MARCHF4: variants seen among roughly 807,000 people sequenced by gnomAD.
MARCHF4 encodes the protein E3 ubiquitin-protein ligase MARCHF4.
In MARCHF4, 14 loss-of-function variants were observed where a neutral mutation model predicts 43.9. That is an observed-to-expected ratio of 0.32 (90% CI 0.21 to 0.50). The LOEUF is 0.50. Among genes scored for constraint, MARCHF4 ranks in the 20% least tolerant of loss-of-function variants. MARCHF4 has a pLI of 0.98. For missense variants in MARCHF4, 468 were observed against 536.7 expected, an observed-to-expected ratio of 0.87 and a Z score of 1.27; for synonymous variants, 226 against 213.3, an observed-to-expected ratio of 1.06 and a Z score of -0.52.
intron 3 of MARCHF4, among the ~76,000 whole-genome samples, chr2:216,263,841 G>T (rs554360239): frequency 6.6e-6 from 1 of 152,256 alleles, no homozygotes; most frequent in South Asian, 2.1e-4. Flanking sequence ...TGAAGTGCAG[G>T]GGGGCACGGT....
rs753360899 is a variant in MARCHF4, at chr2:216,366,238, A to G, written c.516+3507T>C. Among the ~76,000 whole-genome samples the G allele has an allele frequency of 5.5e-4, 84 of 152,216 alleles. 1 individual carries two copies. The highest frequency in any genetic ancestry group is 3.2e-3 in the Middle Eastern group (1 of 316). ...GGAATCCAAGACACAGGCAGGCTAT[A>G]TAACTTGTTCAGGCCTCCAACTGGG... On this transcript the variant is annotated intron_variant, in intron 1 of 3. Transcript: ENST00000273067.
chr2:216,342,519 G>C (rs1243321201), intron 1 of MARCHF4, among the ~76,000 whole-genome samples: 1 of 152,182 alleles, frequency 6.6e-6, no homozygotes, highest in Non-Finnish European at 1.5e-5. Flanking sequence ...GACTGGCAAG[G>C]TTGCTAGGGG....
chr2:216,275,946 G>A (rs537171123), intron 3 of MARCHF4, among the ~76,000 whole-genome samples: 1 of 152,316 alleles, frequency 6.6e-6, no homozygotes, highest in African/African-American at 2.4e-5. Context: ...CCCAGCATGA[G>A]GAGACACTCA....
chr2:216,259,572 C>A lies in MARCHF4; in HGVS notation c.973G>T (p.Asp325Tyr), dbSNP rs745784655. Residue 325 changes from aspartate to tyrosine, a missense_variant, in exon 4 of 4, where the codon GAT becomes TAT. Asp to Tyr is a radical substitution (Grantham distance 160). Around this residue, in one of 3 missense-constraint regions of MARCHF4, gnomAD observed 120 missense variants for 127.1 expected, o/e 0.94. Coordinates refer to ENST00000273067, the MANE Select transcript of MARCHF4 (RefSeq NM_020814.3). ...LNYDKTKDLE[D>Y]QKAGGRTNPR... The stretch of plus-strand genomic sequence containing the variant: ...TTGGTCCTGCCTCCTGCCTTTTGAT[C>A]CTCCAGGTCTTTTGTCTTGTCATAG... The A allele has an allele frequency of 6.2e-7, 1 of 1,614,212 alleles. No homozygotes were observed. Among genetic ancestry groups the A allele is most frequent in the Non-Finnish European group, 8.5e-7 (1 of 1,180,036 alleles).
At chr2:216,275,924 G>A (rs866056500) in intron 3 of MARCHF4, among the ~76,000 whole-genome samples, 38 of 152,226 alleles carry the variant, frequency 2.5e-4, no homozygotes, top group African/African-American at 7.2e-4. Context: ...TCCCTGCTCC[G>A]TTAGCCTGGG....
At chr2:216,293,865 C>A (rs915139080) in intron 1 of MARCHF4, among the ~76,000 whole-genome samples, 4 of 121,508 alleles carry the variant, frequency 3.3e-5, no homozygotes, top group African/African-American at 1.1e-4. Context: ...TATATGGGGT[C>A]TGGCGGAAAA....
intron 1 of MARCHF4, 69 bp from the exon 2 acceptor site, chr2:216,283,798 A>AG: frequency 6.8e-7 from 1 of 1,461,450 alleles, no homozygotes; most frequent in South Asian, 1.4e-5. Context: ...GATGGGCGGG[A>AG]GGGTGGCAGC....
chr2:216,260,560 A>T (rs206372), intron 3 of MARCHF4, among the ~76,000 whole-genome samples: 1,918 of 152,322 alleles, frequency 0.013, 38 homozygotes, highest in African/African-American at 0.044. Context: ...AGGAACTCCA[A>T]GTGCAAAGGC....
At chr2:216,366,471 TA>T in intron 1 of MARCHF4, among the ~76,000 whole-genome samples, 1 of 152,340 alleles carries the variant, frequency 6.6e-6, no homozygotes, top group South Asian at 2.1e-4. Context: ...TGGAGCCAAG[TA>T]GGTTCTCAAA....
chr2:216,368,952 T>C (rs1469607960), intron 1 of MARCHF4, among the ~76,000 whole-genome samples: 1 of 152,192 alleles, frequency 6.6e-6, no homozygotes, highest in Non-Finnish European at 1.5e-5. Context: ...GGAAAAGCCC[T>C]GGTGCATATG....
In MARCHF4 at chr2:216,347,305, A is replaced by C. The variant is rs533868461; in HGVS notation, c.516+22440T>G. On this transcript the variant is annotated intron_variant, in intron 1 of 3. Coordinates refer to ENST00000273067, the MANE Select transcript of MARCHF4 (RefSeq NM_020814.3). ...ATTTAAAGCCAATTTTGAGAAGCAG[A>C]CTTGGGTGAAAAATGATCAATCACT... is the stretch of plus-strand genomic sequence containing the variant. Among the ~76,000 whole-genome samples, 40 of 152,354 alleles carry C rather than the reference A, an allele frequency of 2.6e-4. No individual in the cohort carries two copies. In the South Asian group the frequency reaches 8.1e-3, roughly 31 times the overall value.
chr2:216,314,090 C>A (rs1280381331), intron 1 of MARCHF4, among the ~76,000 whole-genome samples: 1 of 152,114 alleles, frequency 6.6e-6, no homozygotes, highest in Non-Finnish European at 1.5e-5. Context: ...GTTATAATCA[C>A]AAGATACTGT....
chr2:216,328,418 C>T (rs1692030704), intron 1 of MARCHF4, among the ~76,000 whole-genome samples: 1 of 152,136 alleles, frequency 6.6e-6, no homozygotes, highest in African/African-American at 2.4e-5. Context: ...GCCCAACAAT[C>T]CTGAGGCTTG....
intron 3 of MARCHF4, among the ~76,000 whole-genome samples, chr2:216,276,424 T>C (rs1691022643): frequency 6.6e-6 from 1 of 152,246 alleles, no homozygotes; most frequent in African/African-American, 2.4e-5. Context: ...GACTAGGTGC[T>C]ATAATTAAAA....
At chr2:216,330,889 A>T (rs1692073051) in intron 1 of MARCHF4, among the ~76,000 whole-genome samples, 1 of 152,174 alleles carries the variant, frequency 6.6e-6, no homozygotes, top group South Asian at 2.1e-4. Context: ...CAAGGCTGAA[A>T]TTCAAGAATC....
chr2:216,260,260 A>G (rs765556241), intron 3 of MARCHF4, among the ~76,000 whole-genome samples: 1 of 152,252 alleles, frequency 6.6e-6, no homozygotes, highest in Non-Finnish European at 1.5e-5. Flanking sequence ...TTGTGTGCCT[A>G]TTGTGTGCCA....
intron 1 of MARCHF4, among the ~76,000 whole-genome samples, chr2:216,297,763 G>A (rs542824295): frequency 1.4e-3 from 218 of 152,098 alleles, no homozygotes; most frequent in Middle Eastern, 3.4e-3. Context: ...TGATCCACTC[G>A]GCTCGGCATC....
chr2:216,323,298 T>C lies in MARCHF4; in HGVS notation c.517-39569A>G, dbSNP rs562589025. Among the ~76,000 whole-genome samples the C allele has an allele frequency of 1.1e-4, 16 of 152,330 alleles. No individual in the cohort carries two copies. In the South Asian group the frequency reaches 3.3e-3, roughly 32 times the overall value. On this transcript the variant is annotated intron_variant, in intron 1 of 3. Coordinates refer to ENST00000273067, the MANE Select transcript of MARCHF4 (RefSeq NM_020814.3). ...AGATATGGCTCTTCCAGATACCAGT[T>C]GGAGAGGTTTGTATGTAATTTTATC... is the stretch of plus-strand genomic sequence containing the variant.
chr2:216,268,334 T>C (rs1448477489), intron 3 of MARCHF4, among the ~76,000 whole-genome samples: 5 of 152,246 alleles, frequency 3.3e-5, no homozygotes, highest in African/African-American at 4.8e-5. Flanking sequence ...TTTGGCTGTG[T>C]GTTCCCACCC....
Sources: allele counts gnomAD v4.1 joint callset (sites outside exome capture counted in the v4.1 genomes callset), GRCh38; gene constraint gnomAD v4.1.1; regional missense constraint gnomAD v4.1.1; transcripts MANE v1.5; gene names NCBI Gene and HGNC (gene_info 2026-07-23, HGNC 2026-07-21).